Variants in C21orf91 observed in about 807,000 individuals in gnomAD.
The protein encoded by C21orf91 is protein EURL homolog.
A neutral mutation model predicts 32.9 loss-of-function variants in C21orf91; 26 were observed. The observed-to-expected ratio is 0.79, with a 90% CI of 0.58 to 1.10. The LOEUF (loss-of-function observed/expected upper bound fraction) is 1.10, where lower values mean the gene tolerates loss of function less well. C21orf91 is among the 50% of genes least tolerant of loss of function. C21orf91 has a pLI of 0.00. For synonymous variants in C21orf91, 126 were observed against 120.4 expected, an observed-to-expected ratio of 1.05 and a Z score of -0.31; for missense variants, 310 against 341.3, an observed-to-expected ratio of 0.91 and a Z score of 0.72.
chr21:17,803,978 A>G (rs1042572304), intron 2 of C21orf91, among the ~76,000 whole-genome samples: 3 of 152,228 alleles, frequency 2.0e-5, no homozygotes, highest in African/African-American at 7.2e-5. Context: ...GTGCTCTTCA[A>G]TTCCAAATAG....
Position 17,790,852 on chromosome 21 carries a change from T to A in C21orf91, c.*2563A>T, listed in dbSNP as rs2062468162. The A allele has an allele frequency of 6.6e-6, 1 of 152,120 alleles. No individual in the cohort carries two copies. Among genetic ancestry groups the A allele is most frequent in the Non-Finnish European group, 1.5e-5 (1 of 67,946 alleles). The allele number at this position is 152,120 out of a possible 1,614,324, so 9.4% of individuals were successfully genotyped here. A position where few individuals can be genotyped will look rare whatever the true frequency, so the allele number is the denominator to read the frequency against. On this transcript the variant is annotated 3_prime_UTR_variant, in exon 5 of 5. Coordinates refer to ENST00000284881, the MANE Select transcript of C21orf91 (RefSeq NM_001100420.2). Reference sequence around the variant, plus strand: ...AATTTTTAAAACTCAATTTAACGTGTCAAATTATAAAACTGAACGTGAAAA... The same window carrying A: ...AATTTTTAAAACTCAATTTAACGTGACAAATTATAAAACTGAACGTGAAAA...
chr21:17,793,300 T>G lies in C21orf91; in HGVS notation c.*115A>C, dbSNP rs113939661. The G allele has an allele frequency of 3.0e-6, 2 of 668,966 alleles. No homozygotes were observed. Among genetic ancestry groups the G allele is most frequent in the Non-Finnish European group, 4.8e-6 (2 of 412,926 alleles). 41.4% of individuals were successfully genotyped at this position (668,966 alleles called of 1,614,324 possible). ...AAAGATGTTAAATACTGCCTTATGT[T>G]TGGCAAATTTAATGACCATAAAAAA... On this transcript the variant is annotated 3_prime_UTR_variant, in exon 5 of 5. Coordinates refer to ENST00000284881, the MANE Select transcript of C21orf91 (RefSeq NM_001100420.2).
chr21:17,817,033 G>A (rs2062668650), intron 2 of C21orf91, among the ~76,000 whole-genome samples: 1 of 152,022 alleles, frequency 6.6e-6, no homozygotes, highest in Non-Finnish European at 1.5e-5. Flanking sequence ...TGCCCAAACT[G>A]GACTTGAACT....
At chr21:17,803,703 G>T (rs2062577394) in intron 2 of C21orf91, among the ~76,000 whole-genome samples, 1 of 152,072 alleles carries the variant, frequency 6.6e-6, no homozygotes, top group African/African-American at 2.4e-5. Flanking sequence ...TCAAGCAAGT[G>T]TTCACTGTAA....
intron 2 of C21orf91, among the ~76,000 whole-genome samples, chr21:17,811,799 T>G (rs1198012604): frequency 1.3e-5 from 2 of 152,190 alleles, no homozygotes; most frequent in African/African-American, 2.4e-5. Flanking sequence ...TCATTTTAAT[T>G]TATAATTATG....
chr21:17,805,356 C>T (rs993341042), intron 2 of C21orf91, among the ~76,000 whole-genome samples: 1 of 152,158 alleles, frequency 6.6e-6, no homozygotes, highest in African/African-American at 2.4e-5. Context: ...TTTTGTCACC[C>T]AGGCTGGAGT....
At position 17,802,243 on chromosome 21, in the gene C21orf91, C is replaced by T. The variant is rs149134029; in HGVS notation, c.128-5125G>A. On this transcript the variant is annotated intron_variant, in intron 2 of 4. Coordinates refer to ENST00000284881, the MANE Select transcript of C21orf91 (RefSeq NM_001100420.2). ...TGGTACAATCTCAGCTCACTGCAACCTCTGCCTCCTGGGTTCAAGCTATCA... is the reference window on the plus strand; with the variant it reads ...TGGTACAATCTCAGCTCACTGCAACTTCTGCCTCCTGGGTTCAAGCTATCA... Among the ~76,000 whole-genome samples the T allele has an allele frequency of 1.8e-4, 27 of 152,306 alleles. No homozygotes were observed. The East Asian group carries it at 5.2e-3, about 29-fold the overall frequency.
intron 2 of C21orf91, among the ~76,000 whole-genome samples, chr21:17,814,634 T>C (rs540492908): frequency 6.6e-6 from 1 of 151,356 alleles, no homozygotes; most frequent in African/African-American, 2.4e-5. Context: ...CTGACTAGAG[T>C]AGGAGGAAGA....
chr21:17,818,733 T>C (rs554425798), intron 1 of C21orf91: 3 of 157,862 alleles, frequency 1.9e-5, no homozygotes, highest in African/African-American at 4.8e-5. Flanking sequence ...AAAAACGACC[T>C]GCACGGGACA....
chr21:17,814,721 C>T (rs565499378), intron 2 of C21orf91, among the ~76,000 whole-genome samples: 1 of 152,248 alleles, frequency 6.6e-6, no homozygotes, highest in South Asian at 2.1e-4. Context: ...ATCATGAGAA[C>T]AGCACTGAGG....
At chr21:17,794,371 A>G (rs557146575) in intron 4 of C21orf91, among the ~76,000 whole-genome samples, 1 of 152,344 alleles carries the variant, frequency 6.6e-6, no homozygotes, top group Non-Finnish European at 1.5e-5. Context: ...TTAAGGAATT[A>G]TTAACTTTAA....
At chr21:17,817,228 G>A (rs2062669659) in intron 2 of C21orf91, among the ~76,000 whole-genome samples, 1 of 152,124 alleles carries the variant, frequency 6.6e-6, no homozygotes, top group African/African-American at 2.4e-5. Flanking sequence ...ACTGTTTGGT[G>A]ACCATAATAA....
intron 2 of C21orf91, among the ~76,000 whole-genome samples, chr21:17,809,574 T>C (rs1452056280): frequency 6.6e-6 from 1 of 152,208 alleles, no homozygotes; most frequent in Non-Finnish European, 1.5e-5. Context: ...TTAAGTATAT[T>C]TGTATAGCAC....
chr21:17,801,274 GTT>G (rs904831489), intron 2 of C21orf91, among the ~76,000 whole-genome samples: 8 of 140,380 alleles, frequency 5.7e-5, no homozygotes, highest in Non-Finnish European at 9.4e-5. Context: ...AACACCGTAT[GTT>G]TTTTTTTTTT....
chr21:17,807,960 G>A (rs12627705), intron 2 of C21orf91, among the ~76,000 whole-genome samples: 62,895 of 152,166 alleles, frequency 0.41, 16,326 homozygotes, highest in African/African-American at 0.74. Flanking sequence ...CAGCCTGACC[G>A]TGTGGTAGAA....
intron 2 of C21orf91, among the ~76,000 whole-genome samples, chr21:17,801,911 ATAG>A (rs2062564468): frequency 6.6e-6 from 1 of 151,570 alleles, no homozygotes; most frequent in Non-Finnish European, 1.5e-5. Context: ...TTCTGTATGA[ATAG>A]TAGTATTTTA....
chr21:17,803,071 G>A (rs1035074043), intron 2 of C21orf91, among the ~76,000 whole-genome samples: 2 of 152,168 alleles, frequency 1.3e-5, no homozygotes, highest in African/African-American at 4.8e-5. Flanking sequence ...GGGAGTATGG[G>A]TTTGCTAAAT....
intron 2 of C21orf91, among the ~76,000 whole-genome samples, chr21:17,800,544 G>T (rs2062552147): frequency 6.6e-6 from 1 of 152,166 alleles, no homozygotes; most frequent in Non-Finnish European, 1.5e-5. Context: ...TTTCCCAACT[G>T]ACTTATCAAT....
intron 2 of C21orf91, 43 bp downstream of exon 2, chr21:17,818,149 G>A (rs752705199): frequency 6.6e-7 from 1 of 1,505,306 alleles, no homozygotes; most frequent in Non-Finnish European, 9.2e-7. Flanking sequence ...AAGCAGCTGT[G>A]TTAAATTCAT....
Sources: allele counts gnomAD v4.1 joint callset (sites outside exome capture counted in the v4.1 genomes callset), GRCh38; gene constraint gnomAD v4.1.1; transcripts MANE v1.5; gene names NCBI Gene and HGNC (gene_info 2026-07-23, HGNC 2026-07-21).